RICTOR: variants seen among roughly 807,000 people sequenced by gnomAD.
The protein encoded by RICTOR is RPTOR independent companion of MTOR complex 2.
Under a neutral mutation model 214.9 loss-of-function variants are expected in RICTOR, and 49 were observed. That is an observed-to-expected ratio of 0.23 (90% CI 0.18 to 0.29). The LOEUF (loss-of-function observed/expected upper bound fraction) is 0.29, where lower values mean the gene tolerates loss of function less well. RICTOR is among the 10% of genes least tolerant of loss of function. The probability of loss-of-function intolerance (pLI) is 1.00; values close to 1 mark genes in which losing one functional copy is unlikely to be tolerated. For synonymous variants in RICTOR, 717 were observed against 711.3 expected (o/e 1.01, Z -0.13); for missense variants, 1,625 against 2,047.0 (o/e 0.79, Z 3.98).
chr5:38,943,807 C>T (rs554457694), intron 36 of RICTOR, among the ~76,000 whole-genome samples: 2 of 151,908 alleles, frequency 1.3e-5, no homozygotes, highest in South Asian at 2.1e-4. Flanking sequence ...AGCAAGACTC[C>T]GTCTCAAAAA....
At chr5:39,006,336 G>T (rs987736751) in intron 3 of RICTOR, among the ~76,000 whole-genome samples, 4 of 152,070 alleles carry the variant, frequency 2.6e-5, no homozygotes, top group African/African-American at 9.7e-5. Context: ...ATGAATATAT[G>T]CCAGTTTAAT....
intron 2 of RICTOR, among the ~76,000 whole-genome samples, chr5:39,057,964 T>C (rs1758305994): frequency 6.6e-6 from 1 of 152,166 alleles, no homozygotes; most frequent in Non-Finnish European, 1.5e-5. Flanking sequence ...TTCACTTTCA[T>C]ATTTACTCTA....
At position 39,051,720 on chromosome 5, in the gene RICTOR, T is replaced by C. The variant is rs149746012; in HGVS notation, c.97+22391A>G. Among the ~76,000 whole-genome samples the C allele has an allele frequency of 6.9e-3, 1,054 of 151,708 alleles. 52 individuals carry two copies. The East Asian group carries it at 0.12, about 18-fold the overall frequency. On this transcript the variant is annotated intron_variant, in intron 2 of 37. Transcript: ENST00000357387. ...GTGAGCCAAGATCACGCCATTGCAC[T>C]CCAGCCTGGGCAACGGAGCCAGACT...
intron 6 of RICTOR, 95 bp from the exon 7 acceptor site, chr5:38,991,170 T>C (rs980548988): frequency 1.4e-4 from 97 of 681,882 alleles, no homozygotes; most frequent in Middle Eastern, 6.2e-4. Context: ...CAGAATAAGA[T>C]CCAGAATAAG....
At chr5:38,956,036 T>G (rs1429509178) in intron 25 of RICTOR, among the ~76,000 whole-genome samples, 1 of 152,058 alleles carries the variant, frequency 6.6e-6, no homozygotes, top group African/African-American at 2.4e-5. Context: ...AGTGATCCAT[T>G]ATATATTGTC....
chr5:39,039,207 A>C (rs373464911), intron 2 of RICTOR, among the ~76,000 whole-genome samples: 15 of 152,164 alleles, frequency 9.9e-5, no homozygotes, highest in Admixed American at 2.0e-4. Context: ...CAAAAACAAG[A>C]AATGGGGAAA....
intron 7 of RICTOR, among the ~76,000 whole-genome samples, chr5:38,982,913 G>A (rs1751839930): frequency 6.6e-6 from 1 of 151,502 alleles, no homozygotes; most frequent in Non-Finnish European, 1.5e-5. Context: ...TTCATGGTTG[G>A]TTCTTTACTG....
chr5:39,035,144 C>A (rs540856784), intron 2 of RICTOR, among the ~76,000 whole-genome samples: 1 of 152,318 alleles, frequency 6.6e-6, no homozygotes, highest in African/African-American at 2.4e-5. Flanking sequence ...AACAATCAGG[C>A]AGCAGCATTT....
Position 38,990,995 on chromosome 5 carries a change from T to C in RICTOR, c.537A>G (p.Glu179=), listed in dbSNP as rs1170238551. 6.2e-7 allele frequency: 1 copy of C among 1,608,810 alleles called. No homozygotes were observed. Among genetic ancestry groups the C allele is most frequent in the South Asian group, 1.1e-5 (1 of 90,662 alleles). The stretch of plus-strand genomic sequence containing the variant: ...TGCATGCTCGGACCATTCTGTCTCT[T>C]TCTTGAAGTCCATCATTTCCAACTG... ...LIAVGNDGLQ[E]RDRMVRACIA... The change falls in exon 7 of 38, where the codon GAA becomes GAG. Residue 179 remains glutamate, a synonymous_variant. Transcript: ENST00000357387.
At chr5:38,945,914 T>C (rs1748139844) in intron 33 of RICTOR, among the ~76,000 whole-genome samples, 190 bp from the exon 34 acceptor site, 1 of 152,160 alleles carries the variant, frequency 6.6e-6, no homozygotes, top group South Asian at 2.1e-4. Context: ...TATTTTAATA[T>C]ATAGTGTTTT....
At chr5:38,990,534 T>TACGATATATAC (rs1257393160) in intron 7 of RICTOR, among the ~76,000 whole-genome samples, 1 of 22,768 alleles carries the variant, frequency 4.4e-5, no homozygotes, top group South Asian at 8.4e-4. Flanking sequence ...ACGATATATA[T>TACGATATATAC]ACGATATATA....
rs926318546 is a variant in RICTOR at position 38,938,075 on chromosome 5, C to T, written c.*4229G>A. The T allele has an allele frequency of 9.7e-6, 2 of 205,154 alleles. No individual in the cohort carries two copies. Among genetic ancestry groups the T allele is most frequent in the African/African-American group, 4.6e-5 (2 of 43,736 alleles). 12.7% of individuals were successfully genotyped at this position (205,154 alleles called of 1,614,324 possible). A position where few individuals can be genotyped will look rare whatever the true frequency, so the allele number is the denominator to read the frequency against. ...CAAGGTGAGCAAAACCATTTGGGGACAAATCTTATTTAAATTATACACAAC... is the reference window on the plus strand; with the variant it reads ...CAAGGTGAGCAAAACCATTTGGGGATAAATCTTATTTAAATTATACACAAC... On this transcript the variant is annotated 3_prime_UTR_variant, in exon 38 of 38. Transcript: ENST00000357387.
intron 8 of RICTOR, among the ~76,000 whole-genome samples, chr5:38,979,686 T>G (rs1265032373): frequency 6.6e-6 from 1 of 152,230 alleles, no homozygotes; most frequent in Non-Finnish European, 1.5e-5. Context: ...AAGGTCTGAC[T>G]GGAGCTAGAG....
At chr5:39,007,345 T>C (rs1233653452) in intron 3 of RICTOR, among the ~76,000 whole-genome samples, 1 of 151,962 alleles carries the variant, frequency 6.6e-6, no homozygotes, top group African/African-American at 2.4e-5. Context: ...TGTATGTCTG[T>C]CTCCTAATCT....
chr5:38,972,081 T>C, intron 10 of RICTOR, 122 bp from the exon 11 acceptor site: 1 of 561,700 alleles, frequency 1.8e-6, no homozygotes, highest in Admixed American at 3.2e-5. Flanking sequence ...TGATACTATT[T>C]GGTCATCATA....
chr5:39,030,233 A>G (rs1398296003), intron 2 of RICTOR, among the ~76,000 whole-genome samples: 2 of 152,174 alleles, frequency 1.3e-5, no homozygotes, highest in Non-Finnish European at 2.9e-5. Context: ...TCTATCTAAA[A>G]CTGTTATTAA....
At chr5:39,063,327 C>T (rs1374247323) in intron 2 of RICTOR, among the ~76,000 whole-genome samples, 4 of 150,960 alleles carry the variant, frequency 2.6e-5, no homozygotes, top group Admixed American at 2.6e-4. Context: ...TATAATCATT[C>T]TTCAATAGTT....
chr5:38,997,676 A>G (rs1053445234), intron 5 of RICTOR, among the ~76,000 whole-genome samples: 30 of 152,196 alleles, frequency 2.0e-4, no homozygotes, highest in Non-Finnish European at 4.1e-4. Flanking sequence ...ACTTTACAGT[A>G]TAAAACAACT....
intron 5 of RICTOR, among the ~76,000 whole-genome samples, chr5:38,997,161 A>T (rs1464862644): frequency 6.6e-6 from 1 of 152,204 alleles, no homozygotes; most frequent in African/African-American, 2.4e-5. Context: ...AAAGAATAAT[A>T]AACATAAAGT....
Sources: allele counts gnomAD v4.1 joint callset (sites outside exome capture counted in the v4.1 genomes callset), GRCh38; gene constraint gnomAD v4.1.1; transcripts MANE v1.5; gene names NCBI Gene and HGNC (gene_info 2026-07-23, HGNC 2026-07-21).